Variants in TRHDE observed in about 807,000 individuals in gnomAD.
The protein encoded by TRHDE is thyrotropin-releasing hormone-degrading ectoenzyme.
Under a neutral mutation model 125.7 loss-of-function variants are expected in TRHDE, and 72 were observed. That is an observed-to-expected ratio of 0.57 (90% confidence interval 0.47 to 0.70). TRHDE has a LOEUF of 0.70. Ranked by LOEUF, TRHDE falls within the 30% of genes least tolerant of loss-of-function variation. TRHDE has a pLI of 0.00. For synonymous variants in TRHDE, 509 were observed against 509.1 expected (o/e 1.00, Z 0.00); for missense variants, 1,110 against 1,327.1 (o/e 0.84, Z 2.54).
At chr12:72,555,033 A>G (rs1438109593) in intron 7 of TRHDE, among the ~76,000 whole-genome samples, 1 of 152,156 alleles carries the variant, frequency 6.6e-6, no homozygotes, top group Non-Finnish European at 1.5e-5. Context: ...AGCAAGAAAA[A>G]CTTTCATGAG....
At chr12:72,472,867 A>G (rs545869519) in intron 4 of TRHDE, among the ~76,000 whole-genome samples, 200 bp from the exon 5 acceptor site, 2 of 152,162 alleles carry the variant, frequency 1.3e-5, no homozygotes, top group Non-Finnish European at 2.9e-5. Context: ...CTTCTCTGAA[A>G]GCATGTATAA....
chr12:72,363,870 C>T (rs1871228486), intron 2 of TRHDE, among the ~76,000 whole-genome samples: 1 of 151,956 alleles, frequency 6.6e-6, no homozygotes, highest in Non-Finnish European at 1.5e-5. Context: ...ATCTAGAAAA[C>T]CCCATTGTCT....
chr12:72,553,347 C>T (rs771468557), intron 7 of TRHDE, among the ~76,000 whole-genome samples: 4 of 152,042 alleles, frequency 2.6e-5, no homozygotes, highest in Non-Finnish European at 5.9e-5. Context: ...AAAGATGAGG[C>T]TTTTTTCTAG....
chr12:72,422,941 G>C (rs1874022767), intron 3 of TRHDE, among the ~76,000 whole-genome samples: 1 of 152,046 alleles, frequency 6.6e-6, no homozygotes. Flanking sequence ...CCAGCCTCCA[G>C]AACTGTCAAC....
At chr12:72,414,930 A>G (rs1048689543) in intron 3 of TRHDE, among the ~76,000 whole-genome samples, 1 of 152,100 alleles carries the variant, frequency 6.6e-6, no homozygotes, top group African/African-American at 2.4e-5. Flanking sequence ...AATTTTTTAA[A>G]TTGTCTAAAA....
At chr12:72,440,442 A>G (rs1874950790) in intron 3 of TRHDE, among the ~76,000 whole-genome samples, 2 of 151,988 alleles carry the variant, frequency 1.3e-5, no homozygotes. Context: ...TTTTAAGAAT[A>G]AATTGGCATC....
chr12:72,405,892 C>T (rs1407304023), intron 3 of TRHDE, among the ~76,000 whole-genome samples: 1 of 152,128 alleles, frequency 6.6e-6, no homozygotes, highest in Non-Finnish European at 1.5e-5. Flanking sequence ...TCACTATTAC[C>T]TTTGCACAAA....
chr12:72,146,805 G>T (rs1876237838), intron 2 of TRHDE, among the ~76,000 whole-genome samples: 1 of 152,234 alleles, frequency 6.6e-6, no homozygotes, highest in Non-Finnish European at 1.5e-5. Context: ...ACTGCCTTCT[G>T]TTTCCTGAGC....
rs527402771 is a variant in TRHDE at position 72,130,452 on chromosome 12, G to A, written n.279+24700G>A. ...TACTGGTATTGGGCCCAGCAAATAG[G>A]CTAATGGCAGTATAAGAGGGGAAAG... On this transcript the variant is annotated intron_variant and non_coding_transcript_variant, in intron 2 of 4. Coordinates refer to the TRHDE transcript ENST00000548156. Among the ~76,000 whole-genome samples, 13 of 152,278 alleles carry A rather than the reference G, an allele frequency of 8.5e-5. No homozygotes were observed. In the East Asian group the frequency reaches 2.5e-3, roughly 29 times the overall value.
intron 13 of TRHDE, among the ~76,000 whole-genome samples, chr12:72,620,875 T>A (rs1287899885): frequency 6.6e-6 from 1 of 152,148 alleles, no homozygotes; most frequent in African/African-American, 2.4e-5. Flanking sequence ...TACTTAGTGA[T>A]TTAATAGGAA....
At chr12:72,328,827 TC>T (rs375650961) in intron 2 of TRHDE, among the ~76,000 whole-genome samples, 1 of 152,196 alleles carries the variant, frequency 6.6e-6, no homozygotes, top group African/African-American at 2.4e-5. Context: ...ATTGGCATAA[TC>T]CTTTTTGAGT....
At chr12:72,436,912 A>G (rs1330596626) in intron 3 of TRHDE, among the ~76,000 whole-genome samples, 2 of 151,880 alleles carry the variant, frequency 1.3e-5, no homozygotes, top group African/African-American at 4.8e-5. Context: ...ACTACCCATC[A>G]TCTACATATT....
At chr12:72,344,907 G>T (rs183147283) in intron 2 of TRHDE, among the ~76,000 whole-genome samples, 1 of 151,950 alleles carries the variant, frequency 6.6e-6, no homozygotes, top group Non-Finnish European at 1.5e-5. Flanking sequence ...TGAGAGGAAG[G>T]ATTAAAAAAA....
At chr12:72,182,318 T>C (rs544746238) in intron 2 of TRHDE, among the ~76,000 whole-genome samples, 1 of 152,152 alleles carries the variant, frequency 6.6e-6, no homozygotes, top group Non-Finnish European at 1.5e-5. Flanking sequence ...CACTTTCCTT[T>C]GTTTGAATTA....
At chr12:72,546,332 G>A (rs538794758) in intron 7 of TRHDE, among the ~76,000 whole-genome samples, 1 of 151,572 alleles carries the variant, frequency 6.6e-6, no homozygotes, top group African/African-American at 2.4e-5. Context: ...AAAGCACTAA[G>A]GTTGTTGTTT....
At chr12:72,111,543 C>T (rs1875315510) in intron 2 of TRHDE, among the ~76,000 whole-genome samples, 1 of 152,122 alleles carries the variant, frequency 6.6e-6, no homozygotes, top group Non-Finnish European at 1.5e-5. Flanking sequence ...GTTCTAAGGT[C>T]TGAGGGAGAG....
At chr12:72,629,290 T>G (rs771660628) in intron 15 of TRHDE, among the ~76,000 whole-genome samples, 18 of 151,870 alleles carry the variant, frequency 1.2e-4, no homozygotes, top group Non-Finnish European at 2.4e-4. Flanking sequence ...CAATAGTTAT[T>G]TTTTCAAAGT....
intron 2 of TRHDE, chr12:72,303,240 G>A (rs939453114): frequency 6.6e-6 from 1 of 152,008 alleles, no homozygotes; most frequent in African/African-American, 2.4e-5. Flanking sequence ...AAACAAAAGG[G>A]GTAAGATATA....
At chr12:72,488,547 A>G (rs955866533) in intron 5 of TRHDE, among the ~76,000 whole-genome samples, 4 of 152,106 alleles carry the variant, frequency 2.6e-5, no homozygotes, top group Non-Finnish European at 4.4e-5. Context: ...ATGAATAGCA[A>G]TACAATAATA....
Sources: allele counts gnomAD v4.1 joint callset (sites outside exome capture counted in the v4.1 genomes callset), GRCh38; gene constraint gnomAD v4.1.1; transcripts MANE v1.5; gene names NCBI Gene and HGNC (gene_info 2026-07-23, HGNC 2026-07-21).